PLD1: variants seen among roughly 807,000 people sequenced by gnomAD.
The protein encoded by PLD1 is choline phosphatase 1.
A neutral mutation model predicts 137.1 loss-of-function variants in PLD1; 112 were observed. The ratio of observed to expected loss-of-function variants is 0.82; its 90% CI spans 0.70 to 0.96. The LOEUF (loss-of-function observed/expected upper bound fraction) is 0.96. PLD1 is among the 40% of genes least tolerant of loss of function. The pLI, the probability that PLD1 is intolerant of heterozygous loss-of-function variation, is 0.00. For synonymous variants in PLD1, 431 were observed against 454.7 expected (o/e 0.95, Z 0.66); for missense variants, 1,321 against 1,342.0 (o/e 0.98, Z 0.24).
intron 19 of PLD1, among the ~76,000 whole-genome samples, chr3:171,664,624 T>C (rs919908597): frequency 2.5e-5 from 1 of 39,262 alleles, no homozygotes; most frequent in Non-Finnish European, 4.7e-5. Flanking sequence ...TGCCCAGCTA[T>C]TTTTTTTTAT....
At chr3:171,664,223 T>G (rs1471651207) in intron 19 of PLD1, among the ~76,000 whole-genome samples, 1 of 152,186 alleles carries the variant, frequency 6.6e-6, no homozygotes, top group African/African-American at 2.4e-5. Context: ...TGATTTTACA[T>G]CATCTCCAAG....
chr3:171,683,611 C>A (rs965946004), intron 16 of PLD1, among the ~76,000 whole-genome samples: 1 of 152,132 alleles, frequency 6.6e-6, no homozygotes, highest in Non-Finnish European at 1.5e-5. Context: ...ATGTATTCTC[C>A]GATGAGCCTT....
At chr3:171,669,767 A>G (rs1442371249) in intron 19 of PLD1, among the ~76,000 whole-genome samples, 1 of 152,086 alleles carries the variant, frequency 6.6e-6, no homozygotes, top group East Asian at 1.9e-4. Flanking sequence ...AAACTGGTAT[A>G]CTCTTCTAAA....
Position 171,612,271 on chromosome 3 carries a change from G to C in PLD1, c.2882+8C>G. 1 of 1,613,274 alleles carries C rather than the reference G, an allele frequency of 6.2e-7. No individual in the cohort carries two copies. The highest frequency in any genetic ancestry group is 8.5e-7 in the Non-Finnish European group (1 of 1,179,448). On this transcript the variant is annotated splice_region_variant and intron_variant, in intron 25 of 26. Transcript: ENST00000351298. This position sits in a 1 kb window ranked among gnomAD's most constrained non-coding sequence, Gnocchi z 4.1. ...ATGCATCAGAGAGACACACTTTGGC[G>C]GACTGACCTAAAGCACTGTAGCCGA... is the stretch of plus-strand genomic sequence containing the variant.
At chr3:171,763,381 C>T (rs1721540455) in intron 1 of PLD1, among the ~76,000 whole-genome samples, 1 of 149,202 alleles carries the variant, frequency 6.7e-6, no homozygotes. Context: ...TTTGATGACA[C>T]CACTGCACTC....
At chr3:171,726,747 A>G (rs1718546392) in intron 6 of PLD1, among the ~76,000 whole-genome samples, 1 of 152,230 alleles carries the variant, frequency 6.6e-6, no homozygotes, top group Non-Finnish European at 1.5e-5. Context: ...TTATAACAAC[A>G]ACTGTGGCTG....
intron 16 of PLD1, among the ~76,000 whole-genome samples, chr3:171,685,495 G>A (rs1714455097): frequency 6.6e-6 from 1 of 152,136 alleles, no homozygotes; most frequent in African/African-American, 2.4e-5. Context: ...CCATTGGGCA[G>A]GTCATGTATC....
At chr3:171,627,234 A>G (rs1174540413) in intron 23 of PLD1, among the ~76,000 whole-genome samples, 1 of 152,218 alleles carries the variant, frequency 6.6e-6, no homozygotes, top group Non-Finnish European at 1.5e-5. Context: ...AACAGACTGT[A>G]AACTAACAAA....
At chr3:171,645,550 G>A (rs560363510) in intron 21 of PLD1, among the ~76,000 whole-genome samples, 1 of 152,200 alleles carries the variant, frequency 6.6e-6, no homozygotes, top group Non-Finnish European at 1.5e-5. Flanking sequence ...TAGAAACTCT[G>A]AGTTTTCAGC....
intron 12 of PLD1, 83 bp downstream of exon 12, chr3:171,699,662 G>C (rs1716064787): frequency 1.0e-6 from 1 of 971,428 alleles, no homozygotes; most frequent in Admixed American, 1.9e-5. Flanking sequence ...AGTTATACGT[G>C]TGAAAGGCTT....
At chr3:171,717,065 T>C (rs1024151734) in intron 8 of PLD1, among the ~76,000 whole-genome samples, 1 of 152,230 alleles carries the variant, frequency 6.6e-6, no homozygotes, top group African/African-American at 2.4e-5. Context: ...CATTGGTCTA[T>C]GTGTCTGTTT....
chr3:171,783,379 G>A (rs1382794378), intron 1 of PLD1, among the ~76,000 whole-genome samples: 1 of 152,036 alleles, frequency 6.6e-6, no homozygotes, highest in African/African-American at 2.4e-5. Flanking sequence ...AGAAAGAGGA[G>A]AGAGGCAAGT....
intron 6 of PLD1, among the ~76,000 whole-genome samples, chr3:171,730,867 G>A (rs535362856): frequency 6.6e-6 from 1 of 152,302 alleles, no homozygotes; most frequent in African/African-American, 2.4e-5. Context: ...TCGAACTCCT[G>A]ACCTCAGGTT....
chr3:171,651,788 C>A (rs1379062171), intron 21 of PLD1, among the ~76,000 whole-genome samples: 1 of 152,112 alleles, frequency 6.6e-6, no homozygotes, highest in African/African-American at 2.4e-5. Flanking sequence ...GAACCTTATA[C>A]TAAACTGTTC....
At chr3:171,806,667 T>TAA (rs1453506614) in intron 1 of PLD1, among the ~76,000 whole-genome samples, 2 of 152,236 alleles carry the variant, frequency 1.3e-5, no homozygotes, top group African/African-American at 4.8e-5. Context: ...CAATCTTTAG[T>TAA]AAACATCTGG....
intron 1 of PLD1, among the ~76,000 whole-genome samples, chr3:171,763,919 G>A (rs1721628526): frequency 7.0e-6 from 1 of 143,346 alleles, no homozygotes; most frequent in African/African-American, 2.6e-5. Context: ...GCAGTAATCA[G>A]CCTACCACCT....
chr3:171,694,774 C>T (rs1008452793), intron 12 of PLD1, among the ~76,000 whole-genome samples: 4 of 152,112 alleles, frequency 2.6e-5, no homozygotes, highest in African/African-American at 9.7e-5. Flanking sequence ...TTCTACTCAC[C>T]TGCATAACTA....
chr3:171,798,730 C>T (rs1468939426), intron 1 of PLD1, among the ~76,000 whole-genome samples: 2 of 152,158 alleles, frequency 1.3e-5, no homozygotes, highest in Admixed American at 6.5e-5. Flanking sequence ...TTGATTGCAA[C>T]AGAAAACTCT....
chr3:171,770,911 A>AG (rs1349084034), intron 1 of PLD1, among the ~76,000 whole-genome samples: 52 of 144,546 alleles, frequency 3.6e-4, no homozygotes, highest in South Asian at 1.1e-3. Context: ...AAAAAAAAAA[A>AG]GGGGGCGGGG....
Sources: gnomAD v4.1 joint callset for allele counts (sites outside exome capture counted in the v4.1 genomes callset) on GRCh38, gnomAD v4.1.1 for gene constraint, Gnocchi (gnomAD v3.1) non-coding constraint, MANE v1.5 for transcripts, NCBI Gene and HGNC (gene_info 2026-07-23, HGNC 2026-07-21) for gene names.